The following TRAPPC2L variants were observed in gnomAD, a reference collection of about 807,000 sequenced individuals.
TRAPPC2L encodes trafficking protein particle complex subunit 2L.
Under a neutral mutation model 13.2 loss-of-function variants are expected in TRAPPC2L, and 17 were observed. That is an observed-to-expected ratio of 1.29 (90% CI 0.88 to 1.93). The LOEUF (loss-of-function observed/expected upper bound fraction) is 1.93, where lower values mean the gene tolerates loss of function less well. Among genes scored for constraint, TRAPPC2L ranks in the 30% most tolerant of loss-of-function variants. TRAPPC2L has a pLI of 0.00. For synonymous variants in TRAPPC2L, 150 were observed against 98.1 expected (o/e 1.53, Z -3.12); for missense variants, 359 against 252.1 (o/e 1.42, Z -2.87).
chr16:88,856,971 G>T, upstream of TRAPPC2L: 2 of 1,400,872 alleles, frequency 1.4e-6, no homozygotes, highest in South Asian at 3.1e-5. Context: ...GGGCCTGGAC[G>T]GCCACGTGAC....
At chr16:88,859,391 C>A (rs1968212764) in intron 2 of TRAPPC2L, 1 of 697,434 alleles carries the variant, frequency 1.4e-6, no homozygotes, top group South Asian at 1.5e-5. Context: ...GTGAGGTGTT[C>A]CAGACAGACA....
chr16:88,859,229 C>A, intron 2 of TRAPPC2L: 1 of 521,084 alleles, frequency 1.9e-6, no homozygotes, highest in East Asian at 4.9e-5. Flanking sequence ...AAGACCTTCC[C>A]AAAAGTCATC....
At chr16:88,856,322 G>C (rs1361817908), upstream of TRAPPC2L, 6 of 702,696 alleles carry the variant, frequency 8.5e-6, no homozygotes, top group Non-Finnish European at 1.6e-5. Flanking sequence ...GCAGCTCTCA[G>C]GCAGGGCGGC....
At chr16:88,861,727 C>A in exon 4 of TRAPPC2L, 1 of 460,926 alleles carries the variant, frequency 2.2e-6, no homozygotes, top group Non-Finnish European at 4.4e-6. Flanking sequence ...AGGCTCAGCC[C>A]GCTGAGGGGA....
At chr16:88,861,607 G>A in exon 4 of TRAPPC2L, 1 of 485,140 alleles carries the variant, frequency 2.1e-6, no homozygotes, top group Non-Finnish European at 4.3e-6. Flanking sequence ...TGTTGGTGCT[G>A]AGGGGGTTGG....
chr16:88,856,995 C>T (rs994140398), upstream of TRAPPC2L: 7 of 1,391,248 alleles, frequency 5.0e-6, no homozygotes, highest in Admixed American at 3.7e-5. Flanking sequence ...CGGGGCGGGG[C>T]CAGAGTCCGC....
At chr16:88,861,299 A>G (rs920251980) in exon 4 of TRAPPC2L, 21 of 392,258 alleles carry the variant, frequency 5.4e-5, no homozygotes, top group Non-Finnish European at 1.0e-4. Flanking sequence ...ACCTGTGACC[A>G]TGTGGGTCAC....
exon 4 of TRAPPC2L, chr16:88,861,425 C>G (rs1968379739): frequency 5.8e-6 from 2 of 347,562 alleles, no homozygotes; most frequent in South Asian, 2.1e-5. Context: ...GAGGGCCCTC[C>G]TCTTTCTGGA....
intron 1 of TRAPPC2L, among the ~76,000 whole-genome samples, chr16:88,858,127 G>C (rs931275378): frequency 1.2e-4 from 19 of 152,386 alleles, no homozygotes; most frequent in African/African-American, 4.1e-4. Context: ...GACCGAGAAA[G>C]AAGCTGTTAA....
At chr16:88,857,281 T>C (rs1967995713) in intron 1 of TRAPPC2L, 98 bp downstream of exon 1, 3 of 1,186,554 alleles carry the variant, frequency 2.5e-6, no homozygotes, top group Non-Finnish European at 3.4e-6. Context: ...CCTTAGGAAA[T>C]GGGACCTGGA....
At chr16:88,861,066 G>T in exon 4 of TRAPPC2L, 1 of 1,125,232 alleles carries the variant, frequency 8.9e-7, no homozygotes, top group South Asian at 1.3e-5. Context: ...GGGCTTTCAG[G>T]GCAGGCAGCT....
exon 2 of TRAPPC2L, chr16:88,858,750 G>C: frequency 1.2e-6 from 2 of 1,613,468 alleles, no homozygotes; most frequent in Non-Finnish European, 1.7e-6. Flanking sequence ...ACCAGAGGGA[G>C]CTGTACCTGG....
exon 2 of TRAPPC2L, chr16:88,858,629 T>A (rs1384834893): frequency 3.1e-6 from 5 of 1,612,802 alleles, no homozygotes; most frequent in Non-Finnish European, 2.5e-6. Context: ...AATTACCCCC[T>A]CTACATTCGC....
chr16:88,861,149 A>C, exon 4 of TRAPPC2L: 1 of 612,984 alleles, frequency 1.6e-6, no homozygotes, highest in Non-Finnish European at 2.9e-6. Context: ...CCAAGGATTT[A>C]ATTAAGAAGA....
intron 1 of TRAPPC2L, among the ~76,000 whole-genome samples, chr16:88,858,091 C>T (rs1302113593): frequency 6.6e-6 from 1 of 152,236 alleles, no homozygotes; most frequent in Non-Finnish European, 1.5e-5. Flanking sequence ...GCTGAACACA[C>T]ACAGGGTAAA....
exon 4 of TRAPPC2L, chr16:88,860,350 C>G (rs1412666509): frequency 1.5e-6 from 1 of 666,588 alleles, no homozygotes; most frequent in Non-Finnish European, 2.7e-6. Context: ...TTGGAACAGT[C>G]AGGAACCTGG....
chr16:88,857,052 G>A (rs1258525441), upstream of TRAPPC2L: 9 of 1,448,450 alleles, frequency 6.2e-6, no homozygotes, highest in Admixed American at 2.5e-5. Context: ...CCAGTGGGGC[G>A]GGGCCTGAGC....
chr16:88,858,480 AGAG>A, intron 1 of TRAPPC2L, 136 bp from the exon 2 acceptor site: 1 of 837,680 alleles, frequency 1.2e-6, no homozygotes, highest in South Asian at 1.8e-5. Flanking sequence ...ACTGCGGCAT[AGAG>A]AATGAAGCGG....
intron 1 of TRAPPC2L, among the ~76,000 whole-genome samples, 167 bp from the exon 2 acceptor site, chr16:88,858,452 C>T (rs1461406230): frequency 6.6e-6 from 1 of 152,200 alleles, no homozygotes; most frequent in East Asian, 1.9e-4. Flanking sequence ...TAGCTGGGAT[C>T]CCCTGAAGGC....
Sources: allele counts gnomAD v4.1 joint callset (sites outside exome capture counted in the v4.1 genomes callset), GRCh38; gene constraint gnomAD v4.1.1; transcripts MANE v1.5; gene names NCBI Gene and HGNC (gene_info 2026-07-23, HGNC 2026-07-21).